Variants in SAXO1 observed in about 807,000 individuals in gnomAD.
The protein encoded by SAXO1 is stabilizer of axonemal microtubules 1, also known as 4930500O09Rik.
In SAXO1, 21 loss-of-function variants were observed where a neutral mutation model predicts 17.5. That is an observed-to-expected ratio of 1.20 (90% CI 0.85 to 1.72). SAXO1 has a LOEUF of 1.72. SAXO1 is among the 40% of genes most tolerant of loss of function. The pLI, the probability that SAXO1 is intolerant of heterozygous loss-of-function variation, is 0.00. For missense variants in SAXO1, 843 were observed against 596.0 expected, an observed-to-expected ratio of 1.41 and a Z score of -4.32; for synonymous variants, 274 against 216.5, an observed-to-expected ratio of 1.27 and a Z score of -2.33.
chr9:18,962,453 G>C (rs1832527341), intron 1 of SAXO1, among the ~76,000 whole-genome samples: 1 of 152,178 alleles, frequency 6.6e-6, no homozygotes, highest in Non-Finnish European at 1.5e-5. Flanking sequence ...CTTCTTTTGA[G>C]AAGTGTCTGT....
At position 18,968,265 on chromosome 9, in the gene SAXO1, G is replaced by A. The variant is rs112764167; in HGVS notation, c.39-17328C>T. On this transcript the variant is annotated intron_variant, in intron 1 of 3. Transcript: ENST00000380534. ...TCCTCATGTTGGCCAGGCTGGTCTCGAACTCTTGGGCTCAAGCAATCCACC... is the reference window on the plus strand; with the variant it reads ...TCCTCATGTTGGCCAGGCTGGTCTCAAACTCTTGGGCTCAAGCAATCCACC... 6.6e-5 allele frequency among the ~76,000 whole-genome samples: 10 copies of A among 152,240 alleles called. 1 individual carries two copies. The highest frequency in any genetic ancestry group is 2.2e-4 in the African/African-American group (9 of 41,538).
At chr9:19,041,441 A>G (rs1266109652) in intron 1 of SAXO1, among the ~76,000 whole-genome samples, 1 of 152,198 alleles carries the variant, frequency 6.6e-6, no homozygotes, top group Admixed American at 6.5e-5. Flanking sequence ...AATAGAAAAA[A>G]CAATCCTAAA....
At chr9:18,936,163 C>G (rs1266314905) in intron 3 of SAXO1, among the ~76,000 whole-genome samples, 1 of 152,146 alleles carries the variant, frequency 6.6e-6, no homozygotes, top group Non-Finnish European at 1.5e-5. Flanking sequence ...CCTGATACCA[C>G]CCCCTCATCC....
chr9:19,010,840 C>G (rs1040744805), intron 1 of SAXO1, among the ~76,000 whole-genome samples: 1 of 152,128 alleles, frequency 6.6e-6, no homozygotes, highest in Non-Finnish European at 1.5e-5. Context: ...ATAAAGGAAA[C>G]CTTTTATTAG....
chr9:19,031,013 C>T (rs1277401658), intron 1 of SAXO1, among the ~76,000 whole-genome samples: 1 of 152,200 alleles, frequency 6.6e-6, no homozygotes, highest in Non-Finnish European at 1.5e-5. Flanking sequence ...CAAGAACAGA[C>T]TCTGCTTCCA....
rs370694456 is a variant in SAXO1 at position 19,030,786 on chromosome 9, G to C, written c.38+2085C>G. 3.3e-5 allele frequency among the ~76,000 whole-genome samples: 5 copies of C among 152,348 alleles called. No individual in the cohort carries two copies. In the East Asian group the frequency reaches 9.6e-4, roughly 29 times the overall value. ...AGAGATGATTCAAAATTTTCACCCAGGGTGAATGGAAGATTGCTGGCACCA... is the reference window on the plus strand; with the variant it reads ...AGAGATGATTCAAAATTTTCACCCACGGTGAATGGAAGATTGCTGGCACCA... On this transcript the variant is annotated intron_variant, in intron 1 of 3. Coordinates refer to ENST00000380534, the MANE Select transcript of SAXO1 (RefSeq NM_153707.4).
At chr9:19,040,476 C>G (rs1249321079) in intron 1 of SAXO1, among the ~76,000 whole-genome samples, 1 of 152,078 alleles carries the variant, frequency 6.6e-6, no homozygotes, top group South Asian at 2.1e-4. Flanking sequence ...AACCCCGCCT[C>G]TACTAAAAAT....
intron 1 of SAXO1, among the ~76,000 whole-genome samples, chr9:19,002,164 TG>T (rs2130961192): frequency 6.6e-6 from 1 of 152,304 alleles, no homozygotes; most frequent in Non-Finnish European, 1.5e-5. Context: ...GATAAATTCC[TG>T]GACACACATA....
rs1830853363 is a variant in SAXO1, at chr9:18,928,239, G to A, written c.1238C>T (p.Thr413Ile). The A allele has an allele frequency of 6.2e-7, 1 of 1,614,112 alleles. No individual in the cohort carries two copies. Among genetic ancestry groups the A allele is most frequent in the Non-Finnish European group, 8.5e-7 (1 of 1,179,976 alleles). The change falls in exon 4 of 4, where the codon ACT (threonine) becomes ATT (isoleucine). Residue 413 changes from threonine to isoleucine, a missense_variant. Coordinates refer to ENST00000380534, the MANE Select transcript of SAXO1 (RefSeq NM_153707.4). ...ESQTTYTISF[T>I]PKEMGRCLAS... is the part of the protein sequence containing the mutation. Reference sequence around the variant, plus strand: ...TAGGCACCTGCCCATTTCCTTGGGAGTAAAGCTGATGGTGTAGGTGGTCTG... The same window carrying A: ...TAGGCACCTGCCCATTTCCTTGGGAATAAAGCTGATGGTGTAGGTGGTCTG...
chr9:19,008,991 T>G (rs1206778402), intron 1 of SAXO1, among the ~76,000 whole-genome samples: 2 of 152,214 alleles, frequency 1.3e-5, no homozygotes, highest in Non-Finnish European at 2.9e-5. Context: ...GTCAGTTTAG[T>G]CCAAATTCAT....
intron 1 of SAXO1, among the ~76,000 whole-genome samples, chr9:18,986,624 G>A (rs183033402): frequency 6.6e-6 from 1 of 152,070 alleles, no homozygotes. Flanking sequence ...AAAAAAAGGG[G>A]GGGCGGTTCC....
At chr9:18,959,146 T>C (rs1832379488) in intron 1 of SAXO1, among the ~76,000 whole-genome samples, 1 of 152,100 alleles carries the variant, frequency 6.6e-6, no homozygotes, top group Admixed American at 6.6e-5. Context: ...TCAACAGACA[T>C]TCTGAAAAAT....
rs191659495 is a variant in SAXO1, at chr9:19,049,277, A to C, written c.-226T>G. The C allele has an allele frequency of 3.6e-4, 65 of 182,072 alleles. No individual in the cohort carries two copies. The East Asian group carries it at 0.01, about 28-fold the overall frequency. The allele number at this position is 182,072 out of a possible 1,614,324, so 11.3% of individuals were successfully genotyped here. The stretch of plus-strand genomic sequence containing the variant: ...AGTCCTCGAGCTTCCCTTCCATCTT[A>C]GGGCTCACGCCGCCCCGGTTAGGTT... On this transcript the variant is annotated 5_prime_UTR_variant, in exon 1 of 4. Transcript: ENST00000542071. This position sits in a 1 kb window ranked among gnomAD's most constrained non-coding sequence, Gnocchi z 5.4.
intron 1 of SAXO1, among the ~76,000 whole-genome samples, chr9:19,008,794 C>T (rs549907968): frequency 6.6e-6 from 1 of 152,288 alleles, no homozygotes; most frequent in African/African-American, 2.4e-5. Context: ...GGACCCCCAG[C>T]CACTGCAGGG....
chr9:19,002,030 T>C (rs1177001221), intron 1 of SAXO1, among the ~76,000 whole-genome samples: 1 of 150,796 alleles, frequency 6.6e-6, no homozygotes, highest in Non-Finnish European at 1.5e-5. Flanking sequence ...GAGAGAAGAG[T>C]CAAATAGACG....
intron 1 of SAXO1, among the ~76,000 whole-genome samples, chr9:19,014,071 G>A (rs552325354): frequency 2.6e-5 from 4 of 152,230 alleles, no homozygotes; most frequent in East Asian, 1.9e-4. Flanking sequence ...CTGGAACACA[G>A]GCAGCATGAG....
intron 1 of SAXO1, among the ~76,000 whole-genome samples, chr9:18,975,228 TGCAGGCTGGGG>T (rs1166985528): frequency 2.9e-4 from 3 of 10,248 alleles, no homozygotes; most frequent in African/African-American, 1.2e-3. Flanking sequence ...GCAGGGAGAG[TGCAGGCTGGGG>T]AAGCAGGGAG....
Position 18,947,390 on chromosome 9 carries a change from GAT to G in SAXO1, c.218+3366_218+3367del, listed in dbSNP as rs144743613. Reference sequence around the variant, plus strand: ...TTACCAAGGAGTCTTGCAAATAAGTGATAGAGTCGATGCTACCAATTCCCTGC... The same window carrying G: ...TTACCAAGGAGTCTTGCAAATAAGTGAGAGTCGATGCTACCAATTCCCTGC... On this transcript the variant is annotated intron_variant, in intron 2 of 3. Transcript: ENST00000380534. Among the ~76,000 whole-genome samples the G allele has an allele frequency of 1.4e-3, 209 of 152,194 alleles. 9 individuals are homozygous for G. The East Asian group carries it at 0.038, about 28-fold the overall frequency.
At chr9:19,015,520 A>ATT (rs1373656969) in intron 1 of SAXO1, among the ~76,000 whole-genome samples, 2 of 151,696 alleles carry the variant, frequency 1.3e-5, no homozygotes, top group Non-Finnish European at 2.9e-5. Context: ...ATTTTTGTAT[A>ATT]TTTAGTAGAG....
Sources: allele counts gnomAD v4.1 joint callset (sites outside exome capture counted in the v4.1 genomes callset), GRCh38; gene constraint gnomAD v4.1.1; non-coding constraint Gnocchi (gnomAD v3.1); transcripts MANE v1.5; gene names NCBI Gene and HGNC (gene_info 2026-07-23, HGNC 2026-07-21).